C3orf20: variants seen among roughly 807,000 people sequenced by gnomAD.
C3orf20 encodes the protein uncharacterized protein C3orf20.
C3orf20 carries 76 observed loss-of-function variants against 88.3 expected under a neutral mutation model. The ratio of observed to expected loss-of-function variants is 0.86; its 90% CI spans 0.72 to 1.04. The LOEUF is 1.04. Ranked by LOEUF, C3orf20 falls within the 50% of genes least tolerant of loss-of-function variation. C3orf20 has a pLI of 0.00. For synonymous variants in C3orf20, 436 were observed against 437.4 expected (o/e 1.00, Z 0.04); for missense variants, 1,056 against 1,123.3 (o/e 0.94, Z 0.86).
intron 12 of C3orf20, among the ~76,000 whole-genome samples, chr3:14,747,231 G>C (rs981771776): frequency 6.6e-6 from 1 of 152,310 alleles, no homozygotes; most frequent in Non-Finnish European, 1.5e-5. Context: ...GAAAAAGGTA[G>C]GTATTACAAG....
At chr3:14,749,870 G>GT (rs1324980521) in intron 12 of C3orf20, among the ~76,000 whole-genome samples, 1 of 151,396 alleles carries the variant, frequency 6.6e-6, no homozygotes, top group Middle Eastern at 3.2e-3. Context: ...ATCTGCTCCC[G>GT]TACAGCTTCC....
Position 14,761,745 on chromosome 3 carries a change from T to C in C3orf20, c.2495+130T>C, listed in dbSNP as rs1476002776. 3 of 537,700 alleles carry C rather than the reference T, an allele frequency of 5.6e-6. No homozygotes were observed. The East Asian group carries it at 1.5e-4, about 27-fold the overall frequency. 33.3% of individuals were successfully genotyped at this position (537,700 alleles called of 1,614,324 possible). On this transcript the variant is annotated intron_variant, in intron 15 of 16. Coordinates refer to ENST00000253697, the MANE Select transcript of C3orf20 (RefSeq NM_032137.5). ...GAAGGGATGGAGTGGGGAGGGGGGC[T>C]GGAGGTGGGAAGCCTCCACCTGTGG...
At chr3:14,766,580 G>C (rs2035709839) in intron 15 of C3orf20, among the ~76,000 whole-genome samples, 1 of 152,214 alleles carries the variant, frequency 6.6e-6, no homozygotes, top group African/African-American at 2.4e-5. Flanking sequence ...GAGGGGGAGG[G>C]GGGTCACACA....
chr3:14,735,809 G>A (rs925913374), intron 12 of C3orf20, among the ~76,000 whole-genome samples: 2 of 152,022 alleles, frequency 1.3e-5, no homozygotes, highest in Non-Finnish European at 2.9e-5. Context: ...TGGCCAGGCT[G>A]GTCTTGAACT....
intron 11 of C3orf20, 67 bp from the exon 12 acceptor site, chr3:14,728,372 T>G: frequency 1.9e-6 from 3 of 1,596,368 alleles, no homozygotes; most frequent in Non-Finnish European, 8.6e-7. Context: ...ATGTTTCCAG[T>G]CTGGGACCAG....
rs2031695375 is a variant in C3orf20, at chr3:14,675,260, A to G, written c.-299+8A>G. 1 of 152,224 alleles carries G rather than the reference A, an allele frequency of 6.6e-6. No individual in the cohort carries two copies. The highest frequency in any genetic ancestry group is 2.4e-5 in the African/African-American group (1 of 41,448). 9.4% of individuals were successfully genotyped at this position (152,224 alleles called of 1,614,324 possible). The stretch of plus-strand genomic sequence containing the variant: ...AAAAACTACATGGCTAAGGTGAGTG[A>G]TGATCACTGAAAGGAATTCATTGAC... On this transcript the variant is annotated splice_region_variant and intron_variant, in intron 1 of 16. Coordinates refer to ENST00000253697, the MANE Select transcript of C3orf20 (RefSeq NM_032137.5).
In C3orf20 at chr3:14,728,490, G is replaced by A. The variant is rs761605564; in HGVS notation, c.1742G>A (p.Arg581Gln). 72 of 1,613,994 alleles carry A rather than the reference G, an allele frequency of 4.5e-5. No individual in the cohort carries two copies. The highest frequency in any genetic ancestry group is 8.9e-5 in the East Asian group (4 of 44,898). Residue 581 changes from arginine to glutamine, a missense_variant, in exon 12 of 17, where the codon CGG becomes CAG. By Grantham distance (43) the Arg-to-Gln change is conservative. Coordinates refer to ENST00000253697, the MANE Select transcript of C3orf20 (RefSeq NM_032137.5). ...AAAAAGGAGGAGGAAGAATTTGTTC[G>A]GTTCAAGATGAGATCCAGAACTCAT... ...PTKKEEEEFVRFKMRSRTHPE... is the reference protein window; with the variant it reads ...PTKKEEEEFVQFKMRSRTHPE...
Position 14,712,192 on chromosome 3 carries a change from A to G in C3orf20, c.1161-1815A>G, listed in dbSNP as rs1374515073. On this transcript the variant is annotated intron_variant, in intron 7 of 16. Coordinates refer to ENST00000253697, the MANE Select transcript of C3orf20 (RefSeq NM_032137.5). ...CACACACGCGCGCGCGCACACACACACACACACACACACACACACACACAG... is the reference window on the plus strand; with the variant it reads ...CACACACGCGCGCGCGCACACACACGCACACACACACACACACACACACAG... 4.2e-4 allele frequency among the ~76,000 whole-genome samples: 62 copies of G among 148,756 alleles called. 2 individuals are homozygous for G. The highest frequency in any genetic ancestry group is 2.9e-3 in the South Asian group (14 of 4,762).
At chr3:14,714,904 G>A (rs2033884640) in intron 8 of C3orf20, among the ~76,000 whole-genome samples, 1 of 152,214 alleles carries the variant, frequency 6.6e-6, no homozygotes, top group South Asian at 2.1e-4. Flanking sequence ...ACCATGTCTG[G>A]ATTTGCCTGG....
At position 14,704,409 on chromosome 3, in the gene C3orf20, G is replaced by A. The variant is rs760993564; in HGVS notation, c.951G>A (p.Lys317=). 4 of 1,614,026 alleles carry A rather than the reference G, an allele frequency of 2.5e-6. No homozygotes were observed. The Admixed American group carries it at 6.7e-5, about 27-fold the overall frequency. The part of the protein sequence containing the change: ...YPMILRNYKA[K]MPSHLMLARK... Reference sequence around the variant, plus strand: ...TGATCTTACGAAACTACAAGGCAAAGATGCCCTCTCATCTAATGTTGGCCC... The same window carrying A: ...TGATCTTACGAAACTACAAGGCAAAAATGCCCTCTCATCTAATGTTGGCCC... The change falls in exon 7 of 17, where the codon AAG becomes AAA. Residue 317 remains lysine (K), a synonymous_variant. Transcript: ENST00000253697.
At chr3:14,730,022 T>C (rs2034485202) in intron 12 of C3orf20, among the ~76,000 whole-genome samples, 1 of 152,164 alleles carries the variant, frequency 6.6e-6, no homozygotes, top group East Asian at 1.9e-4. Context: ...CATTACCAGC[T>C]CCTTAGAAGC....
At chr3:14,709,452 G>A (rs551584795) in intron 7 of C3orf20, among the ~76,000 whole-genome samples, 2 of 152,244 alleles carry the variant, frequency 1.3e-5, no homozygotes, top group East Asian at 3.9e-4. Flanking sequence ...CTTTATATTA[G>A]AGGAAAAGTT....
chr3:14,712,182 G>GCACACACA (rs1198777411), intron 7 of C3orf20, among the ~76,000 whole-genome samples: 1 of 22,416 alleles, frequency 4.5e-5, no homozygotes, highest in East Asian at 9.9e-4. Flanking sequence ...ACGCGCGCGC[G>GCACACACA]CACACACACA....
chr3:14,750,018 C>T (rs1484786099), intron 12 of C3orf20, among the ~76,000 whole-genome samples: 1 of 151,170 alleles, frequency 6.6e-6, no homozygotes, highest in African/African-American at 2.4e-5. Flanking sequence ...AAAAAAGTTA[C>T]AAACTGAAAA....
rs548893528 is a variant in C3orf20, at chr3:14,738,868, C to G, written c.1940+10180C>G. Among the ~76,000 whole-genome samples the G allele has an allele frequency of 1.2e-4, 16 of 135,304 alleles. No individual in the cohort carries two copies. In the South Asian group the frequency reaches 3.9e-3, roughly 33 times the overall value. The allele number at this position is 135,304 out of a possible 152,430, so 88.8% of individuals were successfully genotyped here. A position where few individuals can be genotyped will look rare whatever the true frequency, so the allele number is the denominator to read the frequency against. The stretch of plus-strand genomic sequence containing the variant: ...ATGGGGTTTCTCCATGTTGGTCAGG[C>G]TGGTCTTAAACTCCTGACCTCAGGT... On this transcript the variant is annotated intron_variant, in intron 12 of 16. Coordinates refer to ENST00000253697, the MANE Select transcript of C3orf20 (RefSeq NM_032137.5).
chr3:14,759,064 C>T (rs1268684490), intron 13 of C3orf20, among the ~76,000 whole-genome samples: 2 of 152,198 alleles, frequency 1.3e-5, no homozygotes, highest in Non-Finnish European at 2.9e-5. Context: ...CAGCCATGAA[C>T]AGTGTGAGTG....
At chr3:14,745,507 T>C (rs2035033258) in intron 12 of C3orf20, among the ~76,000 whole-genome samples, 1 of 152,268 alleles carries the variant, frequency 6.6e-6, no homozygotes. Context: ...CTTCTTGCTA[T>C]ATAATACCCA....
chr3:14,685,035 G>T (rs2032321555), intron 4 of C3orf20, among the ~76,000 whole-genome samples: 1 of 152,130 alleles, frequency 6.6e-6, no homozygotes, highest in Non-Finnish European at 1.5e-5. Flanking sequence ...AATAAAAAAA[G>T]AAATGTTTAT....
chr3:14,718,873 A>G (rs1341542734), intron 9 of C3orf20, among the ~76,000 whole-genome samples: 2 of 152,236 alleles, frequency 1.3e-5, no homozygotes, highest in African/African-American at 4.8e-5. Flanking sequence ...GTTTATATAC[A>G]GAATTCTGGC....
Sources: gnomAD v4.1 joint callset for allele counts (sites outside exome capture counted in the v4.1 genomes callset) on GRCh38, gnomAD v4.1.1 for gene constraint, MANE v1.5 for transcripts, NCBI Gene and HGNC (gene_info 2026-07-23, HGNC 2026-07-21) for gene names.